The following NDUFAF1 variants were observed in gnomAD, a reference collection of about 807,000 sequenced individuals.
NDUFAF1 encodes complex I intermediate-associated protein 30, mitochondrial.
In NDUFAF1, 18 loss-of-function variants were observed where a neutral mutation model predicts 28.7. The observed-to-expected ratio is 0.63, with a 90% CI of 0.43 to 0.93. The LOEUF is 0.93. Among genes scored for constraint, NDUFAF1 ranks in the 40% least tolerant of loss-of-function variants. The probability of loss-of-function intolerance (pLI) is 0.00; values close to 1 mark genes in which losing one functional copy is unlikely to be tolerated. For synonymous variants in NDUFAF1, 113 were observed against 139.7 expected, an observed-to-expected ratio of 0.81 and a Z score of 1.35; for missense variants, 404 against 398.3, an observed-to-expected ratio of 1.01 and a Z score of -0.12.
chr15:41,388,866 G>A (rs1286944342), intron 3 of NDUFAF1, among the ~76,000 whole-genome samples: 7 of 150,882 alleles, frequency 4.6e-5, no homozygotes, highest in African/African-American at 9.7e-5. Context: ...CAGCCTGGGC[G>A]ATAGAGCTAG....
chr15:41,391,841 A>C (rs1214726699), intron 3 of NDUFAF1, among the ~76,000 whole-genome samples: 1 of 152,104 alleles, frequency 6.6e-6, no homozygotes, highest in Non-Finnish European at 1.5e-5. Context: ...GACAGGAAAG[A>C]GAAAGCAGGT....
chr15:41,401,140 G>GT (rs1020679643), intron 1 of NDUFAF1, among the ~76,000 whole-genome samples: 3 of 150,910 alleles, frequency 2.0e-5, no homozygotes, highest in Non-Finnish European at 4.4e-5. Context: ...TTTTGTTTTT[G>GT]TTTTTTCAGT....
At chr15:41,402,703 C>T (rs546063058), upstream of NDUFAF1, among the ~76,000 whole-genome samples, 76 of 150,140 alleles carry the variant, frequency 5.1e-4, no homozygotes, top group African/African-American at 1.7e-3. Context: ...TGTATCCTTT[C>T]AGGCGGCAAA....
chr15:41,389,537 AAC>A (rs1465957095), intron 3 of NDUFAF1, among the ~76,000 whole-genome samples: 1 of 152,068 alleles, frequency 6.6e-6, no homozygotes, highest in Non-Finnish European at 1.5e-5. Flanking sequence ...TTGGGAGGCC[AAC>A]ACAATAGGAT....
chr15:41,397,555 T>C (rs1355968702), intron 1 of NDUFAF1, among the ~76,000 whole-genome samples: 1 of 151,998 alleles, frequency 6.6e-6, no homozygotes, highest in African/African-American at 2.4e-5. Context: ...ATCCCAGCAC[T>C]TGGGGAGGCC....
rs2050280361 is a variant in NDUFAF1 at position 41,388,664 on chromosome 15, CAA to C, written c.760-144_760-143del. The C allele has an allele frequency of 8.9e-5, 57 of 643,672 alleles. 2 individuals are homozygous for C. The South Asian group carries it at 9.9e-4, about 11-fold the overall frequency. 39.9% of individuals were successfully genotyped at this position (643,672 alleles called of 1,614,324 possible). The stretch of plus-strand genomic sequence containing the variant: ...ATGACAAATGGCTAGCCATTTGGAT[CAA>C]AGATATAACTCAGGCCAAACGATAA... On this transcript the variant is annotated intron_variant, in intron 3 of 4. Coordinates refer to ENST00000260361, the MANE Select transcript of NDUFAF1 (RefSeq NM_016013.4).
intron 3 of NDUFAF1, among the ~76,000 whole-genome samples, 165 bp from the exon 4 acceptor site, chr15:41,388,687 G>A (rs560134944): frequency 2.6e-5 from 4 of 151,266 alleles, no homozygotes; most frequent in Non-Finnish European, 4.4e-5. Context: ...CAGGCCAAAC[G>A]ATAAAGGGTT....
intron 1 of NDUFAF1, among the ~76,000 whole-genome samples, chr15:41,401,622 C>T (rs2050464677): frequency 6.6e-6 from 1 of 151,506 alleles, no homozygotes; most frequent in Admixed American, 6.6e-5. Context: ...GACAGGGTTT[C>T]ACCATGTTGG....
intron 1 of NDUFAF1, 129 bp from the exon 2 acceptor site, chr15:41,397,269 G>A: frequency 1.9e-6 from 1 of 539,504 alleles, no homozygotes; most frequent in South Asian, 2.3e-5. Context: ...ATTATTATTT[G>A]AGACAAGGTC....
At chr15:41,394,370 G>A in intron 3 of NDUFAF1, 4 of 1,288,868 alleles carry the variant, frequency 3.1e-6, no homozygotes, top group Non-Finnish European at 4.0e-6. Flanking sequence ...TGGAAGACAT[G>A]AAATGGCAGA....
rs757636199 is a variant in NDUFAF1, at chr15:41,388,566, T to C, written c.760-44A>G. On this transcript the variant is annotated intron_variant, in intron 3 of 4. Transcript: ENST00000260361. ...TACTTCATAACTGAAATGTAAGCAA[T>C]TGAGGCATCTGCATGTAATTGTAAC... 11 of 1,200,772 alleles carry C rather than the reference T, an allele frequency of 9.2e-6. No individual in the cohort carries two copies. The South Asian group carries it at 1.3e-4, about 15-fold the overall frequency. The allele number at this position is 1,200,772 out of a possible 1,614,324, so 74.4% of individuals were successfully genotyped here.
At chr15:41,390,697 C>T (rs921732067) in intron 3 of NDUFAF1, among the ~76,000 whole-genome samples, 1 of 147,280 alleles carries the variant, frequency 6.8e-6, no homozygotes, top group African/African-American at 2.5e-5. Context: ...TGCACTCCAG[C>T]ATGGGCAACA....
intron 3 of NDUFAF1, among the ~76,000 whole-genome samples, chr15:41,390,497 A>G (rs1406100330): frequency 9.4e-5 from 14 of 149,376 alleles, no homozygotes; most frequent in Middle Eastern, 3.8e-3. Context: ...AGGCCAAGGC[A>G]GGCGGATCAC....
At chr15:41,390,633 G>A (rs1173411349) in intron 3 of NDUFAF1, among the ~76,000 whole-genome samples, 1 of 151,434 alleles carries the variant, frequency 6.6e-6, no homozygotes, top group African/African-American at 2.4e-5. Context: ...GCTGAGGCAG[G>A]AGAATGGCGT....
intron 3 of NDUFAF1, among the ~76,000 whole-genome samples, chr15:41,391,888 C>T (rs998653889): frequency 2.0e-5 from 3 of 151,722 alleles, no homozygotes; most frequent in Admixed American, 1.3e-4. Context: ...CAGAGCAACA[C>T]TAAGTGCAAA....
chr15:41,401,059 G>C (rs886600980), intron 1 of NDUFAF1, among the ~76,000 whole-genome samples: 1 of 150,746 alleles, frequency 6.6e-6, no homozygotes, highest in African/African-American at 2.4e-5. Context: ...GGGTTCAAGC[G>C]ATTCTCTTGT....
intron 3 of NDUFAF1, among the ~76,000 whole-genome samples, chr15:41,389,447 G>C (rs2050292439): frequency 6.6e-6 from 1 of 151,972 alleles, no homozygotes; most frequent in South Asian, 2.1e-4. Flanking sequence ...TACAGAGTAT[G>C]CTAATTTTAT....
intron 3 of NDUFAF1, among the ~76,000 whole-genome samples, chr15:41,393,757 G>C (rs193212259): frequency 6.6e-6 from 1 of 151,294 alleles, no homozygotes; most frequent in Non-Finnish European, 1.5e-5. Flanking sequence ...ATTTTTAGTA[G>C]AGACAGAGTT....
rs780401493 is a variant in NDUFAF1 at position 41,394,968 on chromosome 15, C to T, written c.650G>A (p.Arg217Gln). Residue 217 changes from arginine (R) to glutamine (Q), a missense_variant, in exon 3 of 5, where the codon CGG becomes CAG. Arg to Gln is a conservative substitution (Grantham distance 43). Coordinates refer to ENST00000260361, the MANE Select transcript of NDUFAF1 (RefSeq NM_016013.4). ...TLYLRVRGDG[R>Q]PWMVNIKEDT... ...CTCCTTGATATTCACCATCCAAGGC[C>T]GACCATCCCCACGTACACGGAGATA... 3.0e-5 allele frequency: 48 copies of T among 1,613,958 alleles called. No individual in the cohort carries two copies. The highest frequency in any genetic ancestry group is 4.0e-5 in the African/African-American group (3 of 74,900).
Sources: gnomAD v4.1 joint callset for allele counts (sites outside exome capture counted in the v4.1 genomes callset) on GRCh38, gnomAD v4.1.1 for gene constraint, MANE v1.5 for transcripts, NCBI Gene and HGNC (gene_info 2026-07-23, HGNC 2026-07-21) for gene names.